MYO18B: variants seen among roughly 807,000 people sequenced by gnomAD.
MYO18B encodes myosin XVIIIB.
Under a neutral mutation model 273.0 loss-of-function variants are expected in MYO18B, and 204 were observed. That is an observed-to-expected ratio of 0.75 (90% CI 0.67 to 0.84). MYO18B has a LOEUF of 0.84. MYO18B is among the 40% of genes least tolerant of loss of function. The probability of loss-of-function intolerance (pLI) is 0.00; values close to 1 mark genes in which losing one functional copy is unlikely to be tolerated. For synonymous variants in MYO18B, 1,330 were observed against 1,305.7 expected (o/e 1.02, Z -0.40); for missense variants, 3,212 against 3,287.6 (o/e 0.98, Z 0.56).
the MYO18B span, among the ~76,000 whole-genome samples, chr22:26,048,225 A>G: frequency 6.6e-6 from 1 of 152,230 alleles, no homozygotes; most frequent in East Asian, 1.9e-4. Flanking sequence ...CACGAGGACA[A>G]GAACTCTTTC....
At chr22:25,782,385 C>T (rs1019036400) in intron 10 of MYO18B, among the ~76,000 whole-genome samples, 2 of 152,140 alleles carry the variant, frequency 1.3e-5, no homozygotes, top group African/African-American at 2.4e-5. Flanking sequence ...GTAGGGTATG[C>T]CTACATGAGG....
chr22:25,798,732 ATTT>A (rs1227240989), intron 12 of MYO18B, among the ~76,000 whole-genome samples: 1 of 150,968 alleles, frequency 6.6e-6, no homozygotes, highest in South Asian at 2.1e-4. Context: ...GTTAATATAT[ATTT>A]TTTTATTTTT....
chr22:25,965,179 A>G (rs745438181), intron 39 of MYO18B: 1 of 152,238 alleles, frequency 6.6e-6, no homozygotes, highest in Non-Finnish European at 1.5e-5. Context: ...AGCATCAATT[A>G]TATATGGTTC....
intron 40 of MYO18B, among the ~76,000 whole-genome samples, chr22:26,000,495 CTATATGGTAG>C (rs1207324929): frequency 6.6e-6 from 1 of 151,586 alleles, no homozygotes; most frequent in African/African-American, 2.4e-5. Context: ...TACGTGCAGT[CTATATGGTAG>C]TGAGTTCTGC....
In MYO18B at chr22:25,772,422, G is replaced by A. The variant is rs373701834; in HGVS notation, c.1781G>A (p.Arg594His). 9.3e-6 allele frequency: 15 copies of A among 1,613,930 alleles called. No homozygotes were observed. Among genetic ancestry groups the A allele is most frequent in the African/African-American group, 4.0e-5 (3 of 74,940 alleles). Residue 594 changes from arginine (R) to histidine (H), a missense_variant, in exon 7 of 44, where the codon CGC becomes CAC. By Grantham distance (29) the Arg-to-His change is conservative. Coordinates refer to ENST00000335473, the MANE Select transcript of MYO18B (RefSeq NM_032608.7). ...AGTGTCCTGAACACGCTTCTGCAGC[G>A]CTACAAAGCTCAGCTGCTGCACACC... is the stretch of plus-strand genomic sequence containing the variant. The part of the protein sequence containing the change: ...ESSVLNTLLQ[R>H]YKAQLLHTCT...
At chr22:25,878,149 C>A in intron 25 of MYO18B, 101 bp downstream of exon 25, 1 of 933,050 alleles carries the variant, frequency 1.1e-6, no homozygotes. Context: ...ATGCTAATTG[C>A]TTTACAAGCA....
intron 19 of MYO18B, among the ~76,000 whole-genome samples, chr22:25,847,106 A>G (rs1160813650): frequency 6.6e-6 from 1 of 151,846 alleles, no homozygotes. Flanking sequence ...GAAAGAAAGA[A>G]AAATAAAATG....
chr22:25,745,104 T>G (rs751553516), intron 1 of MYO18B, among the ~76,000 whole-genome samples: 1 of 152,028 alleles, frequency 6.6e-6, no homozygotes, highest in Non-Finnish European at 1.5e-5. Flanking sequence ...AAAAATAAAT[T>G]GCGTCTTATT....
chr22:25,817,812 T>C (rs1200826796), intron 12 of MYO18B, among the ~76,000 whole-genome samples: 2 of 152,226 alleles, frequency 1.3e-5, no homozygotes, highest in East Asian at 3.9e-4. Context: ...ATTGATATGA[T>C]ACAATATTCA....
At chr22:25,969,151 A>G (rs2093009485) in intron 39 of MYO18B, among the ~76,000 whole-genome samples, 1 of 152,208 alleles carries the variant, frequency 6.6e-6, no homozygotes, top group Admixed American at 6.5e-5. Flanking sequence ...GATTGATTCT[A>G]TAGCTACCCC....
At chr22:25,982,165 G>A (rs1405057299) in intron 39 of MYO18B, among the ~76,000 whole-genome samples, 1 of 152,140 alleles carries the variant, frequency 6.6e-6, no homozygotes, top group Non-Finnish European at 1.5e-5. Flanking sequence ...CCACCAGGCC[G>A]GCCCCTCTTC....
chr22:25,977,666 GA>G (rs753179686), intron 39 of MYO18B, among the ~76,000 whole-genome samples: 13 of 152,142 alleles, frequency 8.5e-5, no homozygotes, highest in Non-Finnish European at 1.8e-4. Context: ...GTGAGGGTGA[GA>G]AAGCATCAAA....
chr22:25,810,531 T>G (rs1249119966), intron 12 of MYO18B, among the ~76,000 whole-genome samples: 1 of 150,854 alleles, frequency 6.6e-6, no homozygotes, highest in Non-Finnish European at 1.5e-5. Flanking sequence ...CCTCCCAGTT[T>G]CAAGCGATTC....
intron 12 of MYO18B, among the ~76,000 whole-genome samples, chr22:25,806,152 A>AGGAG (rs1209934874): frequency 6.6e-6 from 1 of 152,152 alleles, no homozygotes. Context: ...CAACTCTCAA[A>AGGAG]GGAGGGAGAG....
At chr22:26,041,368 A>AAAAAC in the MYO18B span, among the ~76,000 whole-genome samples, 6 of 150,298 alleles carry the variant, frequency 4.0e-5, no homozygotes, top group Non-Finnish European at 5.9e-5. Flanking sequence ...AAAAAAAAAA[A>AAAAAC]AAAACAAAAC....
At chr22:25,867,849 T>G (rs1360168030) in intron 21 of MYO18B, among the ~76,000 whole-genome samples, 2 of 152,150 alleles carry the variant, frequency 1.3e-5, no homozygotes, top group African/African-American at 4.8e-5. Context: ...GCCAGGATGG[T>G]CTCGATCTCC....
intron 34 of MYO18B, among the ~76,000 whole-genome samples, chr22:25,929,782 C>T (rs1026168089): frequency 1.3e-5 from 2 of 152,108 alleles, no homozygotes; most frequent in African/African-American, 4.8e-5. Flanking sequence ...GTATTACAGT[C>T]CACCTGAATA....
chr22:25,925,126 A>G (rs2092401025), intron 34 of MYO18B, among the ~76,000 whole-genome samples: 1 of 152,146 alleles, frequency 6.6e-6, no homozygotes, highest in South Asian at 2.1e-4. Context: ...GGCACTTACT[A>G]TGTACCAGAC....
intron 1 of MYO18B, among the ~76,000 whole-genome samples, chr22:25,753,843 T>C (rs796884828): frequency 2.6e-5 from 4 of 152,274 alleles, no homozygotes; most frequent in African/African-American, 9.6e-5. Flanking sequence ...GGATATACCG[T>C]CTTTAAGAAC....
Sources: gnomAD v4.1 joint callset for allele counts (sites outside exome capture counted in the v4.1 genomes callset) on GRCh38, gnomAD v4.1.1 for gene constraint, MANE v1.5 for transcripts, NCBI Gene and HGNC (gene_info 2026-07-23, HGNC 2026-07-21) for gene names.